The following PCDHGA4 variants were observed in gnomAD, a reference collection of about 807,000 sequenced individuals.
PCDHGA4 encodes protocadherin gamma subfamily A, 4, also known as protocadherin gamma-A4.
PCDHGA4 carries 38 observed loss-of-function variants against 54.6 expected under a neutral mutation model. That is an observed-to-expected ratio of 0.70 (90% CI 0.54 to 0.91). PCDHGA4 has a LOEUF of 0.91. Ranked by LOEUF, PCDHGA4 falls within the 40% of genes least tolerant of loss-of-function variation. The pLI is 0.00. For missense variants in PCDHGA4, 1,298 were observed against 1,220.9 expected (o/e 1.06, Z -0.94); for synonymous variants, 511 against 512.9 (o/e 1.00, Z 0.05).
rs751153896 is a variant in PCDHGA4, at chr5:141,477,514, T to C, written c.2515-17293T>C. On this transcript the variant is annotated intron_variant, in intron 1 of 3. Transcript: ENST00000571252. The surrounding 1 kb of genome is among the most constrained non-coding windows in gnomAD (Gnocchi z 4.9). ...CTCAATCTTCCTACGACGTTTACAT[T>C]GAAGAAAACAACCTCCCCGGGGCTC... is the stretch of plus-strand genomic sequence containing the variant. 2 of 1,614,114 alleles carry C rather than the reference T, an allele frequency of 1.2e-6. No individual in the cohort carries two copies. The highest frequency in any genetic ancestry group is 2.2e-5 in the East Asian group (1 of 44,878).
At chr5:141,449,667 G>A (rs540415333) in intron 1 of PCDHGA4, among the ~76,000 whole-genome samples, 1 of 150,824 alleles carries the variant, frequency 6.6e-6, no homozygotes, top group South Asian at 2.1e-4. Context: ...ACACCCAAGT[G>A]TGTATGTATA....
intron 1 of PCDHGA4, chr5:141,362,281 C>T: frequency 2.4e-5 from 39 of 1,614,016 alleles, no homozygotes; most frequent in Non-Finnish European, 3.2e-5. Context: ...CCTGCGCCTG[C>T]GACTCTCTTC....
At chr5:141,392,722 A>G in intron 1 of PCDHGA4, 1 of 1,389,524 alleles carries the variant, frequency 7.2e-7, no homozygotes, top group African/African-American at 1.5e-5. Context: ...AGGTTTCCGG[A>G]GGATTGTCAT....
chr5:141,419,632 G>A (rs1210031265), intron 1 of PCDHGA4: 1 of 1,612,432 alleles, frequency 6.2e-7, no homozygotes, highest in Admixed American at 1.7e-5. Flanking sequence ...TGACCAAGGT[G>A]GTGGCCGTGG....
chr5:141,487,392 G>A lies in PCDHGA4; in HGVS notation c.2515-7415G>A, dbSNP rs773126086. 2 of 1,614,176 alleles carry A rather than the reference G, an allele frequency of 1.2e-6. No individual in the cohort carries two copies. Among genetic ancestry groups the A allele is most frequent in the Non-Finnish European group, 1.7e-6 (2 of 1,180,024 alleles). On this transcript the variant is annotated intron_variant, in intron 1 of 3. Transcript: ENST00000571252. This position sits in a 1 kb window ranked among gnomAD's most constrained non-coding sequence, Gnocchi z 5.0. ...GCCTGTCTCACCAGATCTCGAAGGA[G>A]GGAGGGGCTTCCCCCTTCCAATGGG...
At chr5:141,416,200 T>G (rs1318033556) in intron 1 of PCDHGA4, 2 of 152,444 alleles carry the variant, frequency 1.3e-5, no homozygotes, top group African/African-American at 4.8e-5. Context: ...ATTAACAATT[T>G]ATTTATAACA....
intron 1 of PCDHGA4, among the ~76,000 whole-genome samples, chr5:141,369,996 C>T (rs1292122597): frequency 6.6e-6 from 1 of 152,078 alleles, no homozygotes; most frequent in Non-Finnish European, 1.5e-5. Flanking sequence ...GGATAAAGCT[C>T]AAATTAAAAG....
Position 141,487,642 on chromosome 5 carries a change from G to A in PCDHGA4, c.2515-7165G>A, listed in dbSNP as rs747328649. 1.2e-6 allele frequency: 2 copies of A among 1,614,130 alleles called. No individual in the cohort carries two copies. The highest frequency in any genetic ancestry group is 1.3e-5 in the African/African-American group (1 of 75,062). On this transcript the variant is annotated intron_variant, in intron 1 of 3. Transcript: ENST00000571252. This position sits in a 1 kb window ranked among gnomAD's most constrained non-coding sequence, Gnocchi z 5.0. ...TGAGACCTTTGCAGGCTCAACAAAT[G>A]CTTGAGGGTTATTCTGATCCAGGCA...
chr5:141,429,264 A>T (rs1029363907), intron 1 of PCDHGA4: 1 of 151,938 alleles, frequency 6.6e-6, no homozygotes, highest in Non-Finnish European at 1.5e-5. Flanking sequence ...TGAGGAATAA[A>T]TTTTTTTCCT....
chr5:141,433,837 CAAA>C (rs56191208), intron 1 of PCDHGA4, among the ~76,000 whole-genome samples: 5 of 111,684 alleles, frequency 4.5e-5, no homozygotes, highest in Admixed American at 2.0e-4. Flanking sequence ...AACTCTATCT[CAAA>C]AAAAAAAAAA....
chr5:141,473,944 C>T (rs1279694347), intron 1 of PCDHGA4, among the ~76,000 whole-genome samples: 1 of 152,156 alleles, frequency 6.6e-6, no homozygotes, highest in Non-Finnish European at 1.5e-5. Context: ...TAGCTCAGGC[C>T]TGTAGTCCCA....
At position 141,364,595 on chromosome 5, in the gene PCDHGA4, A is replaced by G. The variant is rs769751864; in HGVS notation, c.2514+6974A>G. ...AAGCGGCAGCTTGGTCACCGCGGGC[A>G]GGATAGACCGGGAGGAGCTCTGCGC... On this transcript the variant is annotated intron_variant, in intron 1 of 3. Transcript: ENST00000571252. 2.5e-6 allele frequency: 4 copies of G among 1,614,210 alleles called. No homozygotes were observed. The highest frequency in any genetic ancestry group is 1.1e-5 in the South Asian group (1 of 91,092).
rs138745923 is a variant in PCDHGA4, at chr5:141,420,954, A to C, written c.2514+63333A>C. On this transcript the variant is annotated intron_variant, in intron 1 of 3. Transcript: ENST00000571252. ...GTAATCATTTCTTCTGGAATTTCTTAGTCGTTGCAATAATAAGAATGGGCT... is the reference window on the plus strand; with the variant it reads ...GTAATCATTTCTTCTGGAATTTCTTCGTCGTTGCAATAATAAGAATGGGCT... 3.9e-3 allele frequency: 1,621 copies of C among 412,482 alleles called. 10 individuals are homozygous for C. The highest frequency in any genetic ancestry group is 0.01 in the Admixed American group (249 of 24,550). The allele number at this position is 412,482 out of a possible 1,614,324, so 25.6% of individuals were successfully genotyped here.
chr5:141,376,643 A>T, intron 1 of PCDHGA4: 1 of 1,013,992 alleles, frequency 9.9e-7, no homozygotes, highest in Non-Finnish European at 1.4e-6. Context: ...GATTTTGTAA[A>T]GTGGAAGACT....
intron 1 of PCDHGA4, chr5:141,400,170 G>T (rs779918187): frequency 6.2e-7 from 1 of 1,614,066 alleles, no homozygotes; most frequent in Admixed American, 1.7e-5. Flanking sequence ...CTGACCCCCA[G>T]GCTGAGCTGC....
intron 1 of PCDHGA4, chr5:141,404,823 G>A (rs1283913930): frequency 6.2e-7 from 1 of 1,610,946 alleles, no homozygotes. Flanking sequence ...CTGCACACAG[G>A]TGAAGTGCGC....
At chr5:141,481,732 T>G (rs549671056) in intron 1 of PCDHGA4, among the ~76,000 whole-genome samples, 33 of 151,884 alleles carry the variant, frequency 2.2e-4, no homozygotes, top group Non-Finnish European at 4.3e-4. Context: ...GGCGGGCGGA[T>G]CACGAGGTCA....
At chr5:141,415,285 G>T in intron 1 of PCDHGA4, 1 of 1,614,216 alleles carries the variant, frequency 6.2e-7, no homozygotes. Flanking sequence ...GGTGGCCGCG[G>T]TCTCCTGCGT....
intron 2 of PCDHGA4, among the ~76,000 whole-genome samples, chr5:141,497,219 A>G (rs974609491): frequency 6.7e-6 from 1 of 149,602 alleles, no homozygotes; most frequent in South Asian, 2.1e-4. Context: ...TGGGGGGGGG[A>G]AGATCAGAGA....
Sources: allele counts gnomAD v4.1 joint callset (sites outside exome capture counted in the v4.1 genomes callset), GRCh38; gene constraint gnomAD v4.1.1; non-coding constraint Gnocchi (gnomAD v3.1); transcripts MANE v1.5; gene names NCBI Gene and HGNC (gene_info 2026-07-23, HGNC 2026-07-21).